NR2F1-AS1: variants seen among roughly 807,000 people sequenced by gnomAD.
The protein encoded by NR2F1-AS1 is NR2F1 antisense RNA 1.
At chr5:93,458,855 C>CA (rs916769427) in intron 4 of NR2F1-AS1, among the ~76,000 whole-genome samples, 3 of 151,488 alleles carry the variant, frequency 2.0e-5, no homozygotes, top group Non-Finnish European at 3.0e-5. Context: ...ACTAAAAATA[C>CA]AAAAAAATTA....
chr5:93,456,919 A>C (rs1749960688), intron 4 of NR2F1-AS1, among the ~76,000 whole-genome samples: 1 of 152,196 alleles, frequency 6.6e-6, no homozygotes, highest in East Asian at 1.9e-4. Flanking sequence ...CTGTGCTTTT[A>C]ATGTGCACAT....
intron 4 of NR2F1-AS1, among the ~76,000 whole-genome samples, chr5:93,491,298 T>G (rs144196887): frequency 6.0e-5 from 9 of 149,448 alleles, no homozygotes; most frequent in African/African-American, 2.2e-4. Context: ...AGTGGTAGTG[T>G]TGGTGGTGGT....
chr5:93,430,327 C>T (rs888268398), intron 4 of NR2F1-AS1, among the ~76,000 whole-genome samples: 2 of 152,152 alleles, frequency 1.3e-5, no homozygotes, highest in Non-Finnish European at 2.9e-5. Context: ...ATGGCAAGAG[C>T]GAAGCACTGC....
intron 4 of NR2F1-AS1, among the ~76,000 whole-genome samples, chr5:93,456,704 G>A (rs896687598): frequency 4.6e-5 from 7 of 151,158 alleles, no homozygotes; most frequent in Non-Finnish European, 8.8e-5. Flanking sequence ...CCAGGGAACC[G>A]GCGTTCAGCA....
At chr5:93,560,874 T>C (rs1752471295) in intron 2 of NR2F1-AS1, among the ~76,000 whole-genome samples, 1 of 152,240 alleles carries the variant, frequency 6.6e-6, no homozygotes, top group Admixed American at 6.5e-5. Flanking sequence ...AATTTGCTCC[T>C]ATATCTACAT....
At chr5:93,486,890 TTA>T (rs1376944798) in intron 4 of NR2F1-AS1, among the ~76,000 whole-genome samples, 1 of 152,170 alleles carries the variant, frequency 6.6e-6, no homozygotes, top group African/African-American at 2.4e-5. Context: ...ATCAAAAAGC[TTA>T]TCCACCACAA....
intron 4 of NR2F1-AS1, among the ~76,000 whole-genome samples, chr5:93,418,033 C>T (rs1325056700): frequency 6.6e-6 from 1 of 152,192 alleles, no homozygotes; most frequent in African/African-American, 2.4e-5. Context: ...AGAGCTGCCA[C>T]ATGCCTCTCT....
At chr5:93,423,610 A>G (rs1260979985) in intron 4 of NR2F1-AS1, among the ~76,000 whole-genome samples, 1 of 152,170 alleles carries the variant, frequency 6.6e-6, no homozygotes, top group Non-Finnish European at 1.5e-5. Flanking sequence ...AATTTTAAAA[A>G]TCCATATTGA....
intron 1 of NR2F1-AS1, among the ~76,000 whole-genome samples, chr5:93,565,167 G>A (rs1224181945): frequency 6.6e-6 from 1 of 152,106 alleles, no homozygotes; most frequent in African/African-American, 2.4e-5. Flanking sequence ...ATAGTCTTAG[G>A]CAAGTTACTT....
At chr5:93,526,675 T>G (rs1322456969) in intron 4 of NR2F1-AS1, among the ~76,000 whole-genome samples, 2 of 152,334 alleles carry the variant, frequency 1.3e-5, no homozygotes, top group East Asian at 3.9e-4. Context: ...ATCCCTGGGA[T>G]GCAAGGCTGG....
chr5:93,416,924 G>A (rs1748980396), intron 4 of NR2F1-AS1, among the ~76,000 whole-genome samples: 1 of 152,136 alleles, frequency 6.6e-6, no homozygotes, highest in South Asian at 2.1e-4. Flanking sequence ...TGGCATTTAT[G>A]AAGTAACTAC....
chr5:93,448,419 T>C (rs1749762161), intron 4 of NR2F1-AS1, among the ~76,000 whole-genome samples: 1 of 152,210 alleles, frequency 6.6e-6, no homozygotes, highest in Non-Finnish European at 1.5e-5. Context: ...AAATTTAACA[T>C]GAAATGCACA....
intron 4 of NR2F1-AS1, among the ~76,000 whole-genome samples, chr5:93,523,990 T>A (rs1040608044): frequency 6.6e-6 from 1 of 151,768 alleles, no homozygotes; most frequent in Non-Finnish European, 1.5e-5. Flanking sequence ...GGAACAAAAC[T>A]GGACAGAGAA....
intron 4 of NR2F1-AS1, among the ~76,000 whole-genome samples, chr5:93,436,788 G>A (rs532654695): frequency 3.9e-5 from 6 of 152,056 alleles, no homozygotes; most frequent in South Asian, 2.1e-4. Context: ...CTACCAACAC[G>A]TAATATATTC....
chr5:93,508,929 A>G (rs1002270946), intron 4 of NR2F1-AS1, among the ~76,000 whole-genome samples: 1 of 152,104 alleles, frequency 6.6e-6, no homozygotes, highest in Admixed American at 6.6e-5. Flanking sequence ...ATAAATTGGT[A>G]TTGCTACTTT....
chr5:93,481,217 T>C (rs1182121504), intron 4 of NR2F1-AS1, among the ~76,000 whole-genome samples: 1 of 152,046 alleles, frequency 6.6e-6, no homozygotes, highest in Non-Finnish European at 1.5e-5. Context: ...CCAGGCTGGC[T>C]ATACTGATAT....
intron 4 of NR2F1-AS1, chr5:93,543,844 G>C (rs2149907469): frequency 6.6e-6 from 1 of 152,298 alleles, no homozygotes; most frequent in African/African-American, 2.4e-5. Flanking sequence ...AATAAGTTGA[G>C]TTTAATTGTT....
chr5:93,459,230 T>G (rs750479791), intron 4 of NR2F1-AS1, among the ~76,000 whole-genome samples: 2 of 151,972 alleles, frequency 1.3e-5, no homozygotes, highest in African/African-American at 2.4e-5. Flanking sequence ...TAATTCAATA[T>G]TTGAAATATT....
chr5:93,561,670 G>A (rs1402110683), intron 2 of NR2F1-AS1, among the ~76,000 whole-genome samples: 5 of 151,958 alleles, frequency 3.3e-5, no homozygotes, highest in East Asian at 3.9e-4. Context: ...CTCCATATGA[G>A]ACTGAGGCGG....
Sources: gnomAD v4.1 joint callset for allele counts (sites outside exome capture counted in the v4.1 genomes callset) on GRCh38, gnomAD v4.1.1 for gene constraint, MANE v1.5 for transcripts, NCBI Gene and HGNC (gene_info 2026-07-23, HGNC 2026-07-21) for gene names.